The following CDCA7L variants were observed in gnomAD, a reference collection of about 807,000 sequenced individuals.
The protein encoded by CDCA7L is cell division cycle associated 7 like.
Under a neutral mutation model 57.4 loss-of-function variants are expected in CDCA7L, and 44 were observed. The observed-to-expected ratio is 0.77, with a 90% confidence interval of 0.60 to 0.98. The LOEUF (loss-of-function observed/expected upper bound fraction) is 0.98, where lower values mean the gene tolerates loss of function less well. Among genes scored for constraint, CDCA7L ranks in the 50% least tolerant of loss-of-function variants. The pLI is 0.00. For synonymous variants in CDCA7L, 236 were observed against 202.8 expected (o/e 1.16, Z -1.39); for missense variants, 644 against 580.6 (o/e 1.11, Z -1.12).
At chr7:21,902,797 C>T in intron 9 of CDCA7L, 181 bp downstream of exon 9, 1 of 593,486 alleles carries the variant, frequency 1.7e-6, no homozygotes, top group Non-Finnish European at 2.8e-6. Context: ...AGAAGATTCC[C>T]TAATAGGGAA....
At position 21,906,613 on chromosome 7, in the gene CDCA7L, G is replaced by C. The variant is rs976023639; in HGVS notation, c.708C>G (p.Asn236Lys). 6 of 1,613,922 alleles carry C rather than the reference G, an allele frequency of 3.7e-6. No individual in the cohort carries two copies. Among genetic ancestry groups the C allele is most frequent in the Non-Finnish European group, 5.1e-6 (6 of 1,180,030 alleles). The change falls in exon 5 of 10, where the codon AAC (asparagine) becomes AAG (lysine). Residue 236 changes from asparagine to lysine, a missense_variant. Coordinates refer to ENST00000406877, the MANE Select transcript of CDCA7L (RefSeq NM_018719.5). ...AMLAQLLAEL[N>K]SMPDFFPVRT... ...GTACTGGGAAGAAATCTGGCATCGA[G>C]TTCAATTCCGCCAATAACTGGGCAA...
At chr7:21,925,890 A>G (rs1040149068) in intron 1 of CDCA7L, among the ~76,000 whole-genome samples, 4 of 152,246 alleles carry the variant, frequency 2.6e-5, no homozygotes, top group Middle Eastern at 3.4e-3. Flanking sequence ...TAAAGAAGAA[A>G]AAAAAAGATC....
Position 21,902,124 on chromosome 7 carries a change from A to ATATAG in CDCA7L, c.*193_*197dup. 2 of 624,452 alleles carry ATATAG rather than the reference A, an allele frequency of 3.2e-6. No homozygotes were observed. Among genetic ancestry groups the ATATAG allele is most frequent in the South Asian group, 3.9e-5 (2 of 50,906 alleles). 38.7% of individuals were successfully genotyped at this position (624,452 alleles called of 1,614,324 possible). A position where few individuals can be genotyped will look rare whatever the true frequency, so the allele number is the denominator to read the frequency against. On this transcript the variant is annotated 3_prime_UTR_variant, in exon 10 of 10. Coordinates refer to ENST00000406877, the MANE Select transcript of CDCA7L (RefSeq NM_018719.5). ...TACAGACAGGTCTGTGCATACATCT[A>ATATAG]TATAGATTCCTCTGCTCTGCTGTCT...
intron 2 of CDCA7L, 60 bp from the exon 3 acceptor site, chr7:21,911,814 G>A (rs1181475897): frequency 8.6e-6 from 13 of 1,504,836 alleles, no homozygotes; most frequent in Non-Finnish European, 1.2e-5. Context: ...ACCAGGGAAG[G>A]GTAGAATGAG....
At chr7:21,920,893 G>C (rs1342368232) in intron 1 of CDCA7L, among the ~76,000 whole-genome samples, 1 of 152,234 alleles carries the variant, frequency 6.6e-6, no homozygotes, top group African/African-American at 2.4e-5. Flanking sequence ...AAGAGGGACA[G>C]TGTGTCAATT....
At chr7:21,903,748 T>TATA (rs746923674) in intron 8 of CDCA7L, 4 of 194,964 alleles carry the variant, frequency 2.1e-5, no homozygotes, top group Non-Finnish European at 4.2e-5. Flanking sequence ...GAGAGCACTC[T>TATA]ATACTGCAAT....
In CDCA7L at chr7:21,908,424, G is replaced by A. The variant is rs780597605; in HGVS notation, c.387C>T (p.Thr129=). 3.2e-6 allele frequency: 5 copies of A among 1,586,510 alleles called. No individual in the cohort carries two copies. In the South Asian group the frequency reaches 5.8e-5, roughly 18 times the overall value. ...EEEDEEEDKA[T]PRRSRSRRSS... Reference sequence around the variant, plus strand: ...TTCTTCTAGACCTGCTTCTTCTAGGGGTAGCCTTATCTTCTTCTTCATCTT... The same window carrying A: ...TTCTTCTAGACCTGCTTCTTCTAGGAGTAGCCTTATCTTCTTCTTCATCTT... The change falls in exon 4 of 10, where the codon ACC becomes ACT. Residue 129 remains threonine, a synonymous_variant. Coordinates refer to ENST00000406877, the MANE Select transcript of CDCA7L (RefSeq NM_018719.5).
rs903096357 is a variant in CDCA7L, at chr7:21,902,276, G to A, written c.*46C>T. 1.1e-5 allele frequency: 17 copies of A among 1,586,432 alleles called. No individual in the cohort carries two copies. Among genetic ancestry groups the A allele is most frequent in the Non-Finnish European group, 1.5e-5 (17 of 1,155,078 alleles). ...TAGGCACCAATGGTATGCATGTCTTGTTGGAGTACTCTATGGTGAGGTGGC... is the reference window on the plus strand; with the variant it reads ...TAGGCACCAATGGTATGCATGTCTTATTGGAGTACTCTATGGTGAGGTGGC... On this transcript the variant is annotated 3_prime_UTR_variant, in exon 10 of 10. Transcript: ENST00000406877.
At chr7:21,935,598 GA>G (rs58865336) in intron 1 of CDCA7L, among the ~76,000 whole-genome samples, 3 of 150,164 alleles carry the variant, frequency 2.0e-5, no homozygotes, top group African/African-American at 7.3e-5. Flanking sequence ...TTTATTCTTT[GA>G]AAAAAAAAAT....
intron 1 of CDCA7L, among the ~76,000 whole-genome samples, chr7:21,925,829 A>C (rs2128065332): frequency 6.6e-6 from 1 of 152,262 alleles, no homozygotes; most frequent in South Asian, 2.1e-4. Context: ...CAAGGCTGCT[A>C]TTAGCTATGA....
intron 1 of CDCA7L, among the ~76,000 whole-genome samples, chr7:21,927,405 G>C (rs1184821823): frequency 6.6e-6 from 1 of 152,180 alleles, no homozygotes; most frequent in East Asian, 1.9e-4. Context: ...TTTAAAAACA[G>C]ATTTGAGGAG....
intron 9 of CDCA7L, 50 bp from the exon 10 acceptor site, chr7:21,902,402 G>A (rs371066166): frequency 1.4e-5 from 22 of 1,537,312 alleles, no homozygotes; most frequent in Non-Finnish European, 1.9e-5. Flanking sequence ...ATACACAAAT[G>A]GCATTCTAGG....
At chr7:21,940,236 G>A (rs1786297200) in intron 1 of CDCA7L, 1 of 780,118 alleles carries the variant, frequency 1.3e-6, no homozygotes, top group Non-Finnish European at 1.6e-6. Context: ...TTCAGGGCCA[G>A]GAAAGTGCAA....
At chr7:21,922,856 A>G (rs926832792) in intron 1 of CDCA7L, among the ~76,000 whole-genome samples, 2 of 152,200 alleles carry the variant, frequency 1.3e-5, no homozygotes, top group Non-Finnish European at 2.9e-5. Flanking sequence ...AAATTATGAC[A>G]CATGCCACAA....
intron 8 of CDCA7L, chr7:21,903,876 T>C: frequency 2.5e-6 from 1 of 400,260 alleles, no homozygotes; most frequent in South Asian, 6.9e-5. Flanking sequence ...AAGCAAGTTT[T>C]GCTCTGACAA....
chr7:21,921,865 T>TCA (rs1022520414), intron 1 of CDCA7L, among the ~76,000 whole-genome samples: 1 of 152,212 alleles, frequency 6.6e-6, no homozygotes, highest in Non-Finnish European at 1.5e-5. Flanking sequence ...GCTATTCCTT[T>TCA]CATGTACAGT....
At chr7:21,933,506 T>G (rs894205642) in intron 1 of CDCA7L, among the ~76,000 whole-genome samples, 2 of 152,112 alleles carry the variant, frequency 1.3e-5, no homozygotes, top group Admixed American at 6.6e-5. Context: ...TGCAGGGACA[T>G]GGATGAAGCA....
rs1730890414 is a variant in CDCA7L, at chr7:21,902,296, G to GGTGGCT, written c.*20_*25dup. 15 of 1,607,732 alleles carry GGTGGCT rather than the reference G, an allele frequency of 9.3e-6. No homozygotes were observed. Among genetic ancestry groups the GGTGGCT allele is most frequent in the Non-Finnish European group, 1.2e-5 (14 of 1,174,132 alleles). On this transcript the variant is annotated 3_prime_UTR_variant, in exon 10 of 10. Coordinates refer to ENST00000406877, the MANE Select transcript of CDCA7L (RefSeq NM_018719.5). ...GTCTTGTTGGAGTACTCTATGGTGAGGTGGCTGGTTCTGTTTGTTTTCCTC... is the reference window on the plus strand; with the variant it reads ...GTCTTGTTGGAGTACTCTATGGTGAGGTGGCTGTGGCTGGTTCTGTTTGTTTTCCTC...
intron 7 of CDCA7L, among the ~76,000 whole-genome samples, chr7:21,905,053 T>C (rs1205355640): frequency 6.6e-6 from 1 of 152,106 alleles, no homozygotes; most frequent in Admixed American, 6.5e-5. Flanking sequence ...TCCCGTTACA[T>C]ATCCAGAAAA....
Sources: allele counts gnomAD v4.1 joint callset (sites outside exome capture counted in the v4.1 genomes callset), GRCh38; gene constraint gnomAD v4.1.1; transcripts MANE v1.5; gene names NCBI Gene and HGNC (gene_info 2026-07-23, HGNC 2026-07-21).